The following PCDHGA11 variants were observed in gnomAD, a reference collection of about 807,000 sequenced individuals.
The protein encoded by PCDHGA11 is protocadherin gamma-A11.
A neutral mutation model predicts 60.4 loss-of-function variants in PCDHGA11; 39 were observed. That is an observed-to-expected ratio of 0.65 (90% CI 0.50 to 0.84). The LOEUF (loss-of-function observed/expected upper bound fraction) is 0.84. Among genes scored for constraint, PCDHGA11 ranks in the 40% least tolerant of loss-of-function variants. The probability of loss-of-function intolerance (pLI) is 0.00; values close to 1 mark genes in which losing one functional copy is unlikely to be tolerated. For synonymous variants in PCDHGA11, 533 were observed against 510.3 expected, an observed-to-expected ratio of 1.04 and a Z score of -0.60; for missense variants, 1,165 against 1,197.7, an observed-to-expected ratio of 0.97 and a Z score of 0.40.
In PCDHGA11 at chr5:141,485,610, C is replaced by A; in HGVS notation, c.2434-9197C>A. ...CTGGACTTGGAAATTGGGGAGGCAGCTCCTCCAGGACAGCGTTTCCCGTTG... is the reference window on the plus strand; with the variant it reads ...CTGGACTTGGAAATTGGGGAGGCAGATCCTCCAGGACAGCGTTTCCCGTTG... On this transcript the variant is annotated intron_variant, in intron 1 of 3. Coordinates refer to ENST00000398587, the MANE Select transcript of PCDHGA11 (RefSeq NM_018914.3). This position sits in a 1 kb window ranked among gnomAD's most constrained non-coding sequence, Gnocchi z 5.7. The A allele has an allele frequency of 1.2e-6, 2 of 1,612,076 alleles. No individual in the cohort carries two copies. The highest frequency in any genetic ancestry group is 1.7e-6 in the Non-Finnish European group (2 of 1,178,616).
At chr5:141,428,230 C>A in intron 1 of PCDHGA11, 1 of 1,073,982 alleles carries the variant, frequency 9.3e-7, no homozygotes, top group Non-Finnish European at 1.4e-6. Flanking sequence ...CGCAGACAGC[C>A]TGCAGGAGGC....
chr5:141,457,498 G>A (rs193168963), intron 1 of PCDHGA11, among the ~76,000 whole-genome samples: 23 of 152,246 alleles, frequency 1.5e-4, no homozygotes, highest in African/African-American at 4.3e-4. Flanking sequence ...TAAAATGTAG[G>A]CAAAAAGCTT....
chr5:141,509,839 T>C (rs1277859334), intron 3 of PCDHGA11, among the ~76,000 whole-genome samples: 4 of 152,162 alleles, frequency 2.6e-5, no homozygotes, highest in Non-Finnish European at 5.9e-5. Context: ...CTACCTCCCA[T>C]TCACTCAGAA....
chr5:141,446,087 A>G (rs2154561251), intron 1 of PCDHGA11, among the ~76,000 whole-genome samples: 1 of 152,370 alleles, frequency 6.6e-6, no homozygotes, highest in Non-Finnish European at 1.5e-5. Flanking sequence ...GTAGAAATAA[A>G]TGGATGAATT....
Position 141,489,216 on chromosome 5 carries a change from C to G in PCDHGA11, c.2434-5591C>G. The G allele has an allele frequency of 6.7e-7, 1 of 1,486,698 alleles. No individual in the cohort carries two copies. Among genetic ancestry groups the G allele is most frequent in the Non-Finnish European group, 9.1e-7 (1 of 1,103,260 alleles). 92.1% of individuals were successfully genotyped at this position (1,486,698 alleles called of 1,614,324 possible). ...TTGGAGACAGGACAGCACAGACTTA[C>G]TCTCCACAAAGGGACTTCTGGGTCA... On this transcript the variant is annotated intron_variant, in intron 1 of 3. Transcript: ENST00000398587. This position sits in a 1 kb window ranked among gnomAD's most constrained non-coding sequence, Gnocchi z 4.5.
chr5:141,500,894 C>G (rs1221911920), intron 2 of PCDHGA11, among the ~76,000 whole-genome samples: 1 of 150,982 alleles, frequency 6.6e-6, no homozygotes, highest in African/African-American at 2.4e-5. Flanking sequence ...TTTTTTGAGA[C>G]AGTCTCGCTC....
In PCDHGA11 at chr5:141,431,155, C is replaced by T; in HGVS notation, c.2433+7495C>T. On this transcript the variant is annotated intron_variant, in intron 1 of 3. Transcript: ENST00000398587. This position sits in a 1 kb window ranked among gnomAD's most constrained non-coding sequence, Gnocchi z 4.8. ...GGGACATTAACGACAATGCGCCTTA[C>T]TTTCGTGAAAGTGAATTAGAAATAA... is the stretch of plus-strand genomic sequence containing the variant. 6.2e-7 allele frequency: 1 copy of T among 1,614,212 alleles called. No homozygotes were observed. Among genetic ancestry groups the T allele is most frequent in the Non-Finnish European group, 8.5e-7 (1 of 1,180,032 alleles).
intron 1 of PCDHGA11, chr5:141,441,867 GCCTGGCTA>G (rs2098280856): frequency 1.2e-5 from 4 of 345,682 alleles, no homozygotes; most frequent in Non-Finnish European, 2.3e-5. Flanking sequence ...ACGCCGCGGA[GCCTGGCTA>G]CCTGGTCACC....
chr5:141,449,718 G>A (rs2098653155), intron 1 of PCDHGA11, among the ~76,000 whole-genome samples: 2 of 150,760 alleles, frequency 1.3e-5, no homozygotes, highest in Admixed American at 6.6e-5. Flanking sequence ...ATTTTTATAT[G>A]ATATGATTTT....
At position 141,490,742 on chromosome 5, in the gene PCDHGA11, C is replaced by A. The variant is rs1281337347; in HGVS notation, c.2434-4065C>A. 1.2e-6 allele frequency: 2 copies of A among 1,614,062 alleles called. No homozygotes were observed. Among genetic ancestry groups the A allele is most frequent in the Non-Finnish European group, 1.7e-6 (2 of 1,180,022 alleles). On this transcript the variant is annotated intron_variant, in intron 1 of 3. Coordinates refer to ENST00000398587, the MANE Select transcript of PCDHGA11 (RefSeq NM_018914.3). This position sits in a 1 kb window ranked among gnomAD's most constrained non-coding sequence, Gnocchi z 5.4. ...ATTGTAGGAAATCAGGTTCAGGGAGCCCCAGCCTCCTCCTTTGTGTATGTC... is the reference window on the plus strand; with the variant it reads ...ATTGTAGGAAATCAGGTTCAGGGAGACCCAGCCTCCTCCTTTGTGTATGTC...
rs375885183 is a variant in PCDHGA11, at chr5:141,421,412, A to T, written c.185A>T (p.Lys62Met). 4.3e-6 allele frequency: 7 copies of T among 1,613,962 alleles called. No individual in the cohort carries two copies. The highest frequency in any genetic ancestry group is 5.9e-6 in the Non-Finnish European group (7 of 1,179,928). ...DLGLEPRELA[K>M]RGVRIVSRGK... is the part of the protein sequence containing the mutation. ...GGGCTGGAGCCCCGGGAGCTGGCGA[A>T]GCGCGGAGTCCGCATCGTCTCCAGA... is the stretch of plus-strand genomic sequence containing the variant. The change falls in exon 1 of 4, where the codon AAG becomes ATG. Residue 62 changes from lysine (K) to methionine (M), a missense_variant. Physicochemically the swap from Lys to Met is moderately conservative, Grantham distance 95. Coordinates refer to ENST00000398587, the MANE Select transcript of PCDHGA11 (RefSeq NM_018914.3).
chr5:141,457,422 TC>T (rs1038085994), intron 1 of PCDHGA11, among the ~76,000 whole-genome samples: 1 of 151,626 alleles, frequency 6.6e-6, no homozygotes, highest in African/African-American at 2.4e-5. Context: ...CATCCCTTTT[TC>T]CCCCCCACCA....
In PCDHGA11 at chr5:141,487,237, T is replaced by A. The variant is rs1327004790; in HGVS notation, c.2434-7570T>A. 1.2e-6 allele frequency: 2 copies of A among 1,614,122 alleles called. No individual in the cohort carries two copies. The highest frequency in any genetic ancestry group is 1.7e-6 in the Non-Finnish European group (2 of 1,179,980). On this transcript the variant is annotated intron_variant, in intron 1 of 3. Coordinates refer to ENST00000398587, the MANE Select transcript of PCDHGA11 (RefSeq NM_018914.3). This position sits in a 1 kb window ranked among gnomAD's most constrained non-coding sequence, Gnocchi z 5.0. ...CAGCTCCAAGGGAAGGAGAATCTCGTCTAACCCTCTACTTGGCTGTGTCCC... is the reference window on the plus strand; with the variant it reads ...CAGCTCCAAGGGAAGGAGAATCTCGACTAACCCTCTACTTGGCTGTGTCCC...
rs2099413641 is a variant in PCDHGA11, at chr5:141,477,586, T to C, written c.2434-17221T>C. The C allele has an allele frequency of 1.9e-6, 3 of 1,614,022 alleles. No individual in the cohort carries two copies. The highest frequency in any genetic ancestry group is 2.5e-6 in the Non-Finnish European group (3 of 1,180,036). On this transcript the variant is annotated intron_variant, in intron 1 of 3. Transcript: ENST00000398587. This position sits in a 1 kb window ranked among gnomAD's most constrained non-coding sequence, Gnocchi z 4.9. ...GGGACCCCGACGCCCCGCAGAATGC[T>C]CGGCTTTCTTTCTTTCTCTTGGAGC... is the stretch of plus-strand genomic sequence containing the variant.
At chr5:141,510,795 G>A in intron 3 of PCDHGA11, 152 bp from the exon 4 acceptor site, 6 of 1,465,214 alleles carry the variant, frequency 4.1e-6, no homozygotes, top group Non-Finnish European at 5.5e-6. Context: ...CTTGTGAAGA[G>A]AGACTACCTT....
chr5:141,492,919 C>A (rs1019663003), intron 1 of PCDHGA11, among the ~76,000 whole-genome samples: 1 of 152,192 alleles, frequency 6.6e-6, no homozygotes, highest in Non-Finnish European at 1.5e-5. Context: ...ATGTGCCCAG[C>A]GATCTAGGGT....
Position 141,485,294 on chromosome 5 carries a change from G to A in PCDHGA11, c.2434-9513G>A, listed in dbSNP as rs2099611126. Reference sequence around the variant, plus strand: ...CTACCCGGTCCCAGAGGAGTCACAGGAAGGGACTTTTGTAGGGAATGTCGC... The same window carrying A: ...CTACCCGGTCCCAGAGGAGTCACAGAAAGGGACTTTTGTAGGGAATGTCGC... On this transcript the variant is annotated intron_variant, in intron 1 of 3. Coordinates refer to ENST00000398587, the MANE Select transcript of PCDHGA11 (RefSeq NM_018914.3). The surrounding 1 kb of genome is among the most constrained non-coding windows in gnomAD (Gnocchi z 5.7). The A allele has an allele frequency of 6.2e-7, 1 of 1,614,044 alleles. No homozygotes were observed. Among genetic ancestry groups the A allele is most frequent in the Non-Finnish European group, 8.5e-7 (1 of 1,179,988 alleles).
chr5:141,423,706 A>C (rs1045905298), intron 1 of PCDHGA11, 46 bp downstream of exon 1: 1 of 1,231,762 alleles, frequency 8.1e-7, no homozygotes, highest in Admixed American at 3.4e-5. Context: ...TCTTGGCACA[A>C]GTCTTTTAAG....
Position 141,491,995 on chromosome 5 carries a change from G to C in PCDHGA11, c.2434-2812G>C, listed in dbSNP as rs76332593. On this transcript the variant is annotated intron_variant, in intron 1 of 3. Transcript: ENST00000398587. The surrounding 1 kb of genome is among the most constrained non-coding windows in gnomAD (Gnocchi z 6.9). ...CTCCTTCGAGCTTCCGGTGAATTTC[G>C]GGCGATTTCCGCGGGTGTCGGGGGT... is the stretch of plus-strand genomic sequence containing the variant. 0.033 allele frequency: 22,941 copies of C among 696,644 alleles called. 426 individuals carry two copies. The highest frequency in any genetic ancestry group is 0.093 in the Middle Eastern group (249 of 2,666). The allele number at this position is 696,644 out of a possible 1,614,324, so 43.2% of individuals were successfully genotyped here. A position where few individuals can be genotyped will look rare whatever the true frequency, so the allele number is the denominator to read the frequency against.
Sources: gnomAD v4.1 joint callset for allele counts (sites outside exome capture counted in the v4.1 genomes callset) on GRCh38, gnomAD v4.1.1 for gene constraint, Gnocchi (gnomAD v3.1) non-coding constraint, MANE v1.5 for transcripts, NCBI Gene and HGNC (gene_info 2026-07-23, HGNC 2026-07-21) for gene names.